The following STARD10 variants were observed in gnomAD, a reference collection of about 807,000 sequenced individuals.
The protein encoded by STARD10 is START domain-containing protein 10.
STARD10 carries 24 observed loss-of-function variants against 36.0 expected under a neutral mutation model. The observed-to-expected ratio is 0.67, with a 90% confidence interval of 0.48 to 0.94. STARD10 has a LOEUF of 0.94. Among genes scored for constraint, STARD10 ranks in the 40% least tolerant of loss-of-function variants. The pLI, the probability that STARD10 is intolerant of heterozygous loss-of-function variation, is 0.00. For missense variants in STARD10, 335 were observed against 396.6 expected (o/e 0.84, Z 1.32); for synonymous variants, 156 against 161.9 (o/e 0.96, Z 0.28).
Position 72,754,831 on chromosome 11 carries a change from G to A in STARD10, c.*66C>T. ...GGTGCCGGGTGGGGGAGGGGAGAAA[G>A]TGCAGGAGCGGCCGCCGCCCCAGGG... On this transcript the variant is annotated 3_prime_UTR_variant, in exon 7 of 7. Transcript: ENST00000334805. 1 of 1,550,156 alleles carries A rather than the reference G, an allele frequency of 6.5e-7. No individual in the cohort carries two copies.
chr11:72,786,342 ACT>A (rs1209454430), intron 1 of STARD10, among the ~76,000 whole-genome samples: 4 of 151,004 alleles, frequency 2.6e-5, no homozygotes, highest in African/African-American at 9.8e-5. Flanking sequence ...ACAGAGCAAG[ACT>A]CTGTCTCCAG....
chr11:72,786,484 G>A (rs1048915340), intron 1 of STARD10, among the ~76,000 whole-genome samples: 7 of 152,238 alleles, frequency 4.6e-5, no homozygotes, highest in Non-Finnish European at 1.0e-4. Flanking sequence ...CCTGGAGCCG[G>A]ATCTAAGTGT....
chr11:72,758,597 A>G lies in STARD10; in HGVS notation c.392T>C (p.Ile131Thr), dbSNP rs754052598. The G allele has an allele frequency of 1.1e-5, 18 of 1,613,936 alleles. No individual in the cohort carries two copies. Among genetic ancestry groups the G allele is most frequent in the Non-Finnish European group, 1.4e-5 (17 of 1,179,984 alleles). Residue 131 changes from isoleucine (I) to threonine (T), a missense_variant, in exon 4 of 7, where the codon ATC (isoleucine) becomes ACC (threonine). Coordinates refer to ENST00000334805, the MANE Select transcript of STARD10 (RefSeq NM_006645.3). ...CATGGGGAGCCAGGAGCGGAGGGTGATGACATCACGGTTCTTCAGGGGCTT... is the reference window on the plus strand; with the variant it reads ...CATGGGGAGCCAGGAGCGGAGGGTGGTGACATCACGGTTCTTCAGGGGCTT... Reference protein sequence around the residue: ...CPKPLKNRDVITLRSWLPMGA... With the variant: ...CPKPLKNRDVTTLRSWLPMGA...
At chr11:72,766,508 A>T (rs993868921) in intron 2 of STARD10, among the ~76,000 whole-genome samples, 51 of 152,190 alleles carry the variant, frequency 3.4e-4, no homozygotes, top group African/African-American at 1.2e-3. Context: ...GAGGGGCAGG[A>T]AAGGGCATTT....
At chr11:72,766,002 T>C (rs1391185673) in intron 2 of STARD10, 2 of 152,104 alleles carry the variant, frequency 1.3e-5, no homozygotes, top group African/African-American at 2.4e-5. Context: ...AGAGTAGCTA[T>C]TGGCTGGTCC....
intron 3 of STARD10, 98 bp from the exon 4 acceptor site, chr11:72,758,731 T>G: frequency 1.2e-6 from 1 of 804,966 alleles, no homozygotes. Context: ...CCTAATTAAC[T>G]GCCAGCTCTC....
chr11:72,766,826 C>T (rs1591266001), intron 2 of STARD10, among the ~76,000 whole-genome samples: 2 of 152,218 alleles, frequency 1.3e-5, no homozygotes, highest in African/African-American at 4.8e-5. Context: ...AGCAGACACA[C>T]ACACAGACAG....
At chr11:72,756,127 GCT>G (rs1327565330) in intron 5 of STARD10, among the ~76,000 whole-genome samples, 2 of 151,846 alleles carry the variant, frequency 1.3e-5, no homozygotes, top group East Asian at 3.9e-4. Flanking sequence ...TGCCCCTGAC[GCT>G]CAGCCCCTCC....
At chr11:72,757,974 C>A in intron 4 of STARD10, 90 bp from the exon 5 acceptor site, 1 of 1,079,252 alleles carries the variant, frequency 9.3e-7, no homozygotes, top group Non-Finnish European at 1.4e-6. Context: ...CGCGCACACA[C>A]ACATACAGTT....
chr11:72,787,753 G>A (rs1443408710), intron 1 of STARD10, among the ~76,000 whole-genome samples: 3 of 152,198 alleles, frequency 2.0e-5, no homozygotes, highest in East Asian at 1.9e-4. Context: ...TGGGGGCATC[G>A]GTGTCTTGTG....
chr11:72,774,489 T>A (rs549990552), intron 2 of STARD10, among the ~76,000 whole-genome samples: 16 of 152,304 alleles, frequency 1.1e-4, no homozygotes, highest in African/African-American at 3.8e-4. Context: ...CTGCCCATAC[T>A]TTTGAGTCTC....
chr11:72,755,664 C>A, intron 6 of STARD10, 37 bp downstream of exon 6: 1 of 1,611,584 alleles, frequency 6.2e-7, no homozygotes, highest in South Asian at 1.1e-5. Context: ...TCTTTCCAGT[C>A]TTCAACACCC....
At chr11:72,790,747 T>C (rs1201165885) in intron 1 of STARD10, among the ~76,000 whole-genome samples, 1 of 152,248 alleles carries the variant, frequency 6.6e-6, no homozygotes, top group Non-Finnish European at 1.5e-5. Flanking sequence ...CCTCAGGTTG[T>C]GGGGAAGAGA....
chr11:72,756,817 C>T (rs1012234407), intron 5 of STARD10, among the ~76,000 whole-genome samples: 2 of 134,630 alleles, frequency 1.5e-5, no homozygotes, highest in Non-Finnish European at 3.1e-5. Flanking sequence ...ATGCCAGACT[C>T]AGGAACTGCC....
intron 2 of STARD10, among the ~76,000 whole-genome samples, chr11:72,769,669 C>G (rs977468721): frequency 3.3e-5 from 5 of 151,718 alleles, no homozygotes; most frequent in African/African-American, 1.2e-4. Flanking sequence ...AATTCAGTTC[C>G]CAGAATCCCA....
intron 2 of STARD10, among the ~76,000 whole-genome samples, chr11:72,774,144 G>A (rs75134592): frequency 0.025 from 3,844 of 152,246 alleles, 155 homozygotes; most frequent in African/African-American, 0.089. Flanking sequence ...GGAGATGGAG[G>A]TGGTAACAAA....
intron 2 of STARD10, chr11:72,780,314 G>T (rs998697338): frequency 2.3e-5 from 9 of 393,958 alleles, no homozygotes; most frequent in Non-Finnish European, 4.2e-5. Context: ...GTCTGCAACT[G>T]CTCCCTATGT....
At chr11:72,759,133 G>T in intron 3 of STARD10, 101 bp downstream of exon 3, 1 of 1,432,362 alleles carries the variant, frequency 7.0e-7, no homozygotes, top group Non-Finnish European at 9.5e-7. Flanking sequence ...GAGCAGCTTG[G>T]TCATGTGAGT....
intron 1 of STARD10, among the ~76,000 whole-genome samples, chr11:72,787,527 C>A (rs370308604): frequency 1.3e-4 from 20 of 152,312 alleles, no homozygotes; most frequent in Middle Eastern, 6.8e-3. Flanking sequence ...ATTCTCCTTC[C>A]GGAGGGTTCC....
Sources: allele counts gnomAD v4.1 joint callset (sites outside exome capture counted in the v4.1 genomes callset), GRCh38; gene constraint gnomAD v4.1.1; transcripts MANE v1.5; gene names NCBI Gene and HGNC (gene_info 2026-07-23, HGNC 2026-07-21).